UBE3D: variants seen among roughly 807,000 people sequenced by gnomAD.
UBE3D encodes the protein ubiquitin protein ligase E3D.
In UBE3D, 48 loss-of-function variants were observed where a neutral mutation model predicts 49.6. That is an observed-to-expected ratio of 0.97 (90% CI 0.77 to 1.23). UBE3D has a LOEUF of 1.23. Ranked by LOEUF, UBE3D falls within the 50% of genes most tolerant of loss-of-function variation. The pLI, the probability that UBE3D is intolerant of heterozygous loss-of-function variation, is 0.00. For missense variants in UBE3D, 452 were observed against 468.4 expected (o/e 0.96, Z 0.32); for synonymous variants, 189 against 174.2 (o/e 1.08, Z -0.67).
At chr6:82,970,171 T>C (rs973882458) in intron 8 of UBE3D, among the ~76,000 whole-genome samples, 2 of 149,692 alleles carry the variant, frequency 1.3e-5, no homozygotes, top group African/African-American at 4.9e-5. Context: ...AAATTGATTA[T>C]TTATTAAGGG....
At chr6:83,019,182 T>C in intron 7 of UBE3D, 46 bp from the exon 8 acceptor site, 2 of 1,533,688 alleles carry the variant, frequency 1.3e-6, no homozygotes, top group East Asian at 2.3e-5. Context: ...ATTGTCACCT[T>C]ATCCATATCT....
At chr6:83,009,100 T>A (rs1400457874) in intron 8 of UBE3D, among the ~76,000 whole-genome samples, 1 of 152,170 alleles carries the variant, frequency 6.6e-6, no homozygotes, top group Non-Finnish European at 1.5e-5. Flanking sequence ...CAAATTCTTA[T>A]AATACTCTTC....
intron 5 of UBE3D, chr6:83,032,424 A>T: frequency 2.7e-6 from 1 of 370,234 alleles, no homozygotes; most frequent in Non-Finnish European, 5.4e-6. Flanking sequence ...AATTTCTCCT[A>T]TTTGGAATGG....
intron 3 of UBE3D, 148 bp from the exon 4 acceptor site, chr6:83,044,807 C>T (rs774858765): frequency 1.2e-5 from 8 of 669,716 alleles, no homozygotes; most frequent in Admixed American, 3.0e-5. Flanking sequence ...AATATATACT[C>T]ACTACAGCTA....
Position 82,957,208 on chromosome 6 carries a change from A to C in UBE3D, c.1149+104T>G, listed in dbSNP as rs112676142. On this transcript the variant is annotated intron_variant, in intron 9 of 9. Coordinates refer to ENST00000369747, the MANE Select transcript of UBE3D (RefSeq NM_198920.3). ...TGCATTATGCTTGTTATGATTTGAA[A>C]CTAGGGAATTCCACGGGCTATCTCC... is the stretch of plus-strand genomic sequence containing the variant. 488 of 1,183,056 alleles carry C rather than the reference A, an allele frequency of 4.1e-4. 2 individuals carry two copies. In the African/African-American group the frequency reaches 5.1e-3, roughly 12 times the overall value. 73.3% of individuals were successfully genotyped at this position (1,183,056 alleles called of 1,614,324 possible).
intron 9 of UBE3D, among the ~76,000 whole-genome samples, chr6:82,906,188 C>T (rs1772087894): frequency 6.6e-6 from 1 of 151,936 alleles, no homozygotes; most frequent in Non-Finnish European, 1.5e-5. Flanking sequence ...AAATGTGGTC[C>T]ACATATTACA....
chr6:82,894,290 A>G (rs532509220), intron 9 of UBE3D, among the ~76,000 whole-genome samples: 2 of 152,162 alleles, frequency 1.3e-5, no homozygotes, highest in African/African-American at 4.8e-5. Flanking sequence ...CTTTCTTATC[A>G]TACCCTGCCA....
At chr6:82,882,402 GT>G in the UBE3D span, among the ~76,000 whole-genome samples, 1 of 152,264 alleles carries the variant, frequency 6.6e-6, no homozygotes. Context: ...GTTTGCTACT[GT>G]TTTTTTGTGG....
At chr6:83,019,857 A>G (rs1385684803) in intron 7 of UBE3D, among the ~76,000 whole-genome samples, 1 of 152,212 alleles carries the variant, frequency 6.6e-6, no homozygotes, top group Non-Finnish European at 1.5e-5. Context: ...CCAGGATCAA[A>G]TCACTGGCAG....
intron 8 of UBE3D, among the ~76,000 whole-genome samples, chr6:83,006,098 G>A (rs183676645): frequency 1.8e-4 from 28 of 152,232 alleles, no homozygotes; most frequent in African/African-American, 6.3e-4. Context: ...GATGGCTCAC[G>A]CCTGTAATCC....
intron 8 of UBE3D, among the ~76,000 whole-genome samples, chr6:83,006,950 A>G (rs1021337905): frequency 1.2e-4 from 18 of 152,068 alleles, no homozygotes; most frequent in Non-Finnish European, 8.8e-5. Context: ...TAGAGTTTCA[A>G]TTTTCCTGCT....
At chr6:83,042,518 AAAT>A (rs1167182431) in intron 4 of UBE3D, among the ~76,000 whole-genome samples, 1 of 152,202 alleles carries the variant, frequency 6.6e-6, no homozygotes, top group Non-Finnish European at 1.5e-5. Context: ...TCCTTCAAGG[AAAT>A]AATAAGGCAA....
chr6:82,967,299 T>C (rs914173599), intron 8 of UBE3D, among the ~76,000 whole-genome samples: 4 of 152,218 alleles, frequency 2.6e-5, no homozygotes, highest in African/African-American at 9.6e-5. Context: ...TTAAACCTCA[T>C]GTTTAAACAT....
At chr6:82,904,564 G>GC (rs1453026214) in intron 9 of UBE3D, among the ~76,000 whole-genome samples, 2 of 152,204 alleles carry the variant, frequency 1.3e-5, no homozygotes, top group African/African-American at 4.8e-5. Flanking sequence ...GACATAAATG[G>GC]CCTGGCAGGC....
intron 9 of UBE3D, among the ~76,000 whole-genome samples, chr6:82,931,019 T>A (rs962359322): frequency 6.6e-6 from 1 of 152,190 alleles, no homozygotes; most frequent in Non-Finnish European, 1.5e-5. Context: ...GGCCCAGGGC[T>A]GCCCTGCTAT....
chr6:83,051,191 G>A lies in UBE3D; in HGVS notation c.365+2957C>T, dbSNP rs1287870051. Reference sequence around the variant, plus strand: ...TTTGGAAAATAGGCCTTATTAGAAGGCTGTATTAGAAGAACCTGAGGTAGT... The same window carrying A: ...TTTGGAAAATAGGCCTTATTAGAAGACTGTATTAGAAGAACCTGAGGTAGT... On this transcript the variant is annotated intron_variant, in intron 3 of 9. Transcript: ENST00000369747. Among the ~76,000 whole-genome samples, 5 of 152,132 alleles carry A rather than the reference G, an allele frequency of 3.3e-5. No individual in the cohort carries two copies. The South Asian group carries it at 1.0e-3, about 32-fold the overall frequency.
At chr6:82,882,728 T>C in the UBE3D span, among the ~76,000 whole-genome samples, 2 of 152,248 alleles carry the variant, frequency 1.3e-5, no homozygotes, top group Admixed American at 1.3e-4. Flanking sequence ...TTCTACTTAT[T>C]ACAGTATCTT....
intron 8 of UBE3D, among the ~76,000 whole-genome samples, chr6:82,957,948 TA>T (rs949590074): frequency 2.0e-4 from 30 of 150,424 alleles, no homozygotes; most frequent in Admixed American, 1.0e-3. Context: ...ATCCTTTTGT[TA>T]AAAAAAAAAT....
chr6:82,956,448 A>G (rs1470718646), intron 9 of UBE3D, among the ~76,000 whole-genome samples: 1 of 152,182 alleles, frequency 6.6e-6, no homozygotes, highest in East Asian at 1.9e-4. Flanking sequence ...GCCAGTCTAC[A>G]TTTGCAGAAC....
Sources: allele counts gnomAD v4.1 joint callset (sites outside exome capture counted in the v4.1 genomes callset), GRCh38; gene constraint gnomAD v4.1.1; transcripts MANE v1.5; gene names NCBI Gene and HGNC (gene_info 2026-07-23, HGNC 2026-07-21).